The following TMEM236 variants were observed in gnomAD, a reference collection of about 807,000 sequenced individuals.
TMEM236 encodes the protein transmembrane protein 236.
TMEM236 carries 11 observed loss-of-function variants against 14.7 expected under a neutral mutation model. The observed-to-expected ratio is 0.75, with a 90% CI of 0.47 to 1.24. TMEM236 has a LOEUF of 1.24. Among genes scored for constraint, TMEM236 ranks in the 50% most tolerant of loss-of-function variants. TMEM236 has a pLI of 0.00. For missense variants in TMEM236, 464 were observed against 427.3 expected (o/e 1.09, Z -0.76); for synonymous variants, 182 against 168.6 (o/e 1.08, Z -0.62).
intron 1 of TMEM236, 22 bp downstream of exon 1, chr10:17,752,574 T>C (rs1837225224): frequency 1.9e-6 from 3 of 1,611,290 alleles, no homozygotes; most frequent in Non-Finnish European, 2.5e-6. Context: ...AATTTTCTTT[T>C]TTTTCTTTTT....
intron 1 of TMEM236, among the ~76,000 whole-genome samples, chr10:17,755,971 A>G (rs1837278721): frequency 6.6e-6 from 1 of 152,214 alleles, no homozygotes; most frequent in Non-Finnish European, 1.5e-5. Context: ...TGGTACAGAA[A>G]CACGTACTTC....
chr10:17,760,592 T>C (rs1837347883), intron 1 of TMEM236, among the ~76,000 whole-genome samples: 1 of 152,220 alleles, frequency 6.6e-6, no homozygotes, highest in Non-Finnish European at 1.5e-5. Context: ...AAAAGATCAA[T>C]AATTTTGTCA....
intron 1 of TMEM236, among the ~76,000 whole-genome samples, chr10:17,756,710 T>A (rs1837289758): frequency 6.6e-6 from 1 of 152,210 alleles, no homozygotes; most frequent in Non-Finnish European, 1.5e-5. Flanking sequence ...AGAGGCAGAC[T>A]TTGGACCTAG....
At chr10:17,774,182 C>T (rs939073685) in intron 2 of TMEM236, among the ~76,000 whole-genome samples, 58 of 152,044 alleles carry the variant, frequency 3.8e-4, no homozygotes, top group African/African-American at 1.2e-3. Context: ...GTAGCTGGGA[C>T]GACAGGCATG....
chr10:17,772,375 G>A (rs2131750085), intron 2 of TMEM236, among the ~76,000 whole-genome samples: 1 of 152,156 alleles, frequency 6.6e-6, no homozygotes, highest in East Asian at 1.9e-4. Context: ...TGCTTCCAGT[G>A]AACTGCAACA....
intron 1 of TMEM236, among the ~76,000 whole-genome samples, chr10:17,768,639 C>T (rs1837514797): frequency 6.6e-6 from 1 of 151,866 alleles, no homozygotes; most frequent in African/African-American, 2.4e-5. Context: ...CAGAACTTAC[C>T]TCGGGGGATG....
chr10:17,787,120 C>T (rs906089328), intron 3 of TMEM236, among the ~76,000 whole-genome samples: 1 of 152,158 alleles, frequency 6.6e-6, no homozygotes, highest in Non-Finnish European at 1.5e-5. Flanking sequence ...CTAATACATG[C>T]CCTTTCTTCC....
chr10:17,781,172 G>C (rs1837741126), intron 3 of TMEM236, among the ~76,000 whole-genome samples: 2 of 152,296 alleles, frequency 1.3e-5, no homozygotes, highest in Admixed American at 1.3e-4. Context: ...TTGCTTGTCT[G>C]TGTCTGCAGC....
chr10:17,791,875 G>A (rs1837931011), intron 3 of TMEM236, among the ~76,000 whole-genome samples: 1 of 152,148 alleles, frequency 6.6e-6, no homozygotes, highest in Non-Finnish European at 1.5e-5. Flanking sequence ...GTGATTGCAG[G>A]AGACTCACAG....
chr10:17,752,608 C>G (rs1315921880), intron 1 of TMEM236, 56 bp downstream of exon 1: 2 of 1,575,046 alleles, frequency 1.3e-6, no homozygotes, highest in East Asian at 2.2e-5. Context: ...GCTCTGTCAC[C>G]CAGGCTGGAG....
chr10:17,755,154 TTGGCCA>T (rs1325011874), intron 1 of TMEM236, among the ~76,000 whole-genome samples: 2 of 151,656 alleles, frequency 1.3e-5, no homozygotes, highest in African/African-American at 4.9e-5. Flanking sequence ...TTTCTTCATG[TTGGCCA>T]TGCTGGTCTT....
At chr10:17,783,304 T>C in intron 3 of TMEM236, among the ~76,000 whole-genome samples, 1 of 152,168 alleles carries the variant, frequency 6.6e-6, no homozygotes, top group East Asian at 1.9e-4. Context: ...TCGTATGTAC[T>C]GTGCGGTGTG....
Position 17,798,317 on chromosome 10 carries a change from T to A in TMEM236, c.*1813T>A. 3.1e-6 allele frequency: 1 copy of A among 320,254 alleles called. No individual in the cohort carries two copies. The highest frequency in any genetic ancestry group is 6.1e-6 in the Non-Finnish European group (1 of 164,890). The allele number at this position is 320,254 out of a possible 1,614,324, so 19.8% of individuals were successfully genotyped here. A position where few individuals can be genotyped will look rare whatever the true frequency, so the allele number is the denominator to read the frequency against. On this transcript the variant is annotated 3_prime_UTR_variant, in exon 4 of 4. Transcript: ENST00000377495. Reference sequence around the variant, plus strand: ...ACTTTGGGAGGTTGAGGCAGGTAGATCACTGGAGTCCAGGAGTCTGAGACC... The same window carrying A: ...ACTTTGGGAGGTTGAGGCAGGTAGAACACTGGAGTCCAGGAGTCTGAGACC...
chr10:17,768,092 T>TG (rs1554834479), intron 1 of TMEM236, among the ~76,000 whole-genome samples: 2 of 121,456 alleles, frequency 1.6e-5, no homozygotes, highest in Admixed American at 1.6e-4. Context: ...TGTGGTTTTT[T>TG]TTTTTTTTTT....
chr10:17,783,858 T>C (rs1449331095), intron 3 of TMEM236, among the ~76,000 whole-genome samples: 3 of 152,176 alleles, frequency 2.0e-5, no homozygotes, highest in Non-Finnish European at 4.4e-5. Flanking sequence ...TATTGGCCAG[T>C]TGTATTTTTC....
chr10:17,766,840 C>G (rs1837474096), intron 1 of TMEM236, among the ~76,000 whole-genome samples: 1 of 139,576 alleles, frequency 7.2e-6, no homozygotes, highest in Admixed American at 7.2e-5. Flanking sequence ...CCATGTCTTT[C>G]TCCTTGCTTC....
intron 1 of TMEM236, among the ~76,000 whole-genome samples, chr10:17,758,948 C>T (rs1427538717): frequency 6.6e-6 from 1 of 152,190 alleles, no homozygotes; most frequent in East Asian, 1.9e-4. Flanking sequence ...ACTAGGCCTC[C>T]ATGCCAGTGT....
Position 17,795,920 on chromosome 10 carries a change from G to T in TMEM236, c.473-1G>T, listed in dbSNP as rs1838004139. The T allele has an allele frequency of 1.2e-5, 19 of 1,613,660 alleles. No individual in the cohort carries two copies. The highest frequency in any genetic ancestry group is 1.5e-5 in the Non-Finnish European group (18 of 1,179,700). On this transcript the variant is annotated splice_acceptor_variant, in intron 3 of 3. Transcript: ENST00000377495. LOFTEE classifies it high-confidence loss of function. ...AATGTAAATAAATCTGTTAATTGCA[G>T]GTAGTGAAAATGGACACATCCATTC...
intron 3 of TMEM236, among the ~76,000 whole-genome samples, chr10:17,779,231 G>A (rs1392404502): frequency 6.6e-6 from 1 of 152,086 alleles, no homozygotes; most frequent in Non-Finnish European, 1.5e-5. Context: ...TTTTTACGGA[G>A]AGATAGATAG....
Sources: allele counts gnomAD v4.1 joint callset (sites outside exome capture counted in the v4.1 genomes callset), GRCh38; gene constraint gnomAD v4.1.1; transcripts MANE v1.5; gene names NCBI Gene and HGNC (gene_info 2026-07-23, HGNC 2026-07-21).